NALCN: variants seen among roughly 807,000 people sequenced by gnomAD.
NALCN encodes sodium leak channel, non-selective.
A neutral mutation model predicts 225.3 loss-of-function variants in NALCN; 111 were observed. The ratio of observed to expected loss-of-function variants is 0.49; its 90% CI spans 0.42 to 0.58. The LOEUF (loss-of-function observed/expected upper bound fraction) is 0.58, where lower values mean the gene tolerates loss of function less well. NALCN is among the 20% of genes least tolerant of loss of function. The pLI is 0.00. For synonymous variants in NALCN, 764 were observed against 769.0 expected, an observed-to-expected ratio of 0.99 and a Z score of 0.11; for missense variants, 1,378 against 2,202.4, an observed-to-expected ratio of 0.63 and a Z score of 7.49.
intron 13 of NALCN, among the ~76,000 whole-genome samples, chr13:101,207,343 T>G (rs890824518): frequency 6.6e-6 from 1 of 152,236 alleles, no homozygotes; most frequent in African/African-American, 2.4e-5. Flanking sequence ...GTTAAGGTTG[T>G]ATTTCATATT....
intron 7 of NALCN, among the ~76,000 whole-genome samples, chr13:101,325,127 A>G (rs1342843446): frequency 6.6e-6 from 1 of 152,154 alleles, no homozygotes; most frequent in Non-Finnish European, 1.5e-5. Flanking sequence ...TCAGTTTGGA[A>G]TACTATCAAA....
rs373030295 is a variant in NALCN, at chr13:101,191,975, T to C, written c.1706A>G (p.His569Arg). ...VMDQTLNAVG[H>R]MWAPVVAIYF... ...GATGGCAACCACGGGTGCCCACATA[T>C]GTCCCACAGCATTTAGAGTTTGGTC... The change falls in exon 14 of 44, where the codon CAT (histidine) becomes CGT (arginine). Residue 569 changes from histidine (H) to arginine (R), a missense_variant. Coordinates refer to ENST00000251127, the MANE Select transcript of NALCN (RefSeq NM_052867.4). 3 of 1,608,414 alleles carry C rather than the reference T, an allele frequency of 1.9e-6. No individual in the cohort carries two copies. The highest frequency in any genetic ancestry group is 1.7e-6 in the Non-Finnish European group (2 of 1,177,866).
chr13:101,302,409 G>C (rs2044005632), intron 7 of NALCN, among the ~76,000 whole-genome samples: 1 of 152,120 alleles, frequency 6.6e-6, no homozygotes, highest in Non-Finnish European at 1.5e-5. Context: ...ATTGACGTTT[G>C]TTTATAAAGG....
chr13:101,277,905 C>T (rs780688951), intron 10 of NALCN, among the ~76,000 whole-genome samples: 13 of 152,208 alleles, frequency 8.5e-5, no homozygotes, highest in Non-Finnish European at 1.5e-4. Flanking sequence ...GCAGCCACCA[C>T]TCAGCTCTGG....
chr13:101,353,890 T>C (rs1477390190), intron 6 of NALCN, among the ~76,000 whole-genome samples: 5 of 152,226 alleles, frequency 3.3e-5, no homozygotes, highest in African/African-American at 1.2e-4. Context: ...AGTTATCTTG[T>C]TATATCTGAA....
chr13:101,223,836 C>G (rs1158994117), intron 13 of NALCN, among the ~76,000 whole-genome samples: 1 of 152,066 alleles, frequency 6.6e-6, no homozygotes, highest in Non-Finnish European at 1.5e-5. Flanking sequence ...CCTCTGCCAA[C>G]CCCTCTCATT....
intron 15 of NALCN, among the ~76,000 whole-genome samples, chr13:101,170,208 C>T (rs1349780364): frequency 2.0e-5 from 3 of 152,206 alleles, no homozygotes; most frequent in African/African-American, 2.4e-5. Context: ...GTCCCACTAT[C>T]TGCTCTCTTC....
intron 3 of NALCN, among the ~76,000 whole-genome samples, chr13:101,382,353 T>C (rs1337479678): frequency 1.3e-5 from 2 of 152,070 alleles, no homozygotes; most frequent in Admixed American, 6.6e-5. Flanking sequence ...GAGACATGCT[T>C]TTCACAATGT....
At chr13:101,132,147 AT>A (rs2036550108) in intron 17 of NALCN, among the ~76,000 whole-genome samples, 1 of 151,692 alleles carries the variant, frequency 6.6e-6, no homozygotes, top group South Asian at 2.1e-4. Flanking sequence ...TCAGGGCTAA[AT>A]TTTTTCCTCT....
chr13:101,126,654 G>A (rs995773129), intron 17 of NALCN, among the ~76,000 whole-genome samples: 16 of 152,046 alleles, frequency 1.1e-4, no homozygotes, highest in East Asian at 3.9e-4. Context: ...CACCATGCCC[G>A]ACTGATTTTT....
intron 13 of NALCN, among the ~76,000 whole-genome samples, chr13:101,195,178 T>G (rs2039839475): frequency 6.6e-6 from 1 of 152,108 alleles, no homozygotes; most frequent in African/African-American, 2.4e-5. Context: ...GGAGTAGAGT[T>G]TCAGTGGAAA....
At chr13:101,111,876 T>TAGCAGCAGC (rs1411112115) in intron 18 of NALCN, among the ~76,000 whole-genome samples, 3 of 152,174 alleles carry the variant, frequency 2.0e-5, no homozygotes, top group African/African-American at 2.4e-5. Context: ...ATGTCTTTAC[T>TAGCAGCAGC]AGCAGCATGA....
intron 13 of NALCN, among the ~76,000 whole-genome samples, chr13:101,203,165 T>C (rs928054020): frequency 6.6e-6 from 1 of 152,232 alleles, no homozygotes; most frequent in Non-Finnish European, 1.5e-5. Context: ...CTTAAAAATA[T>C]TGTCCCAAGG....
chr13:101,369,166 ATG>A (rs56739782), intron 6 of NALCN, among the ~76,000 whole-genome samples: 11,580 of 145,974 alleles, frequency 0.079, 1,333 homozygotes, highest in African/African-American at 0.26. Context: ...GACAAAATAA[ATG>A]TGTGTGTGTG....
At chr13:101,219,190 T>C (rs983615583) in intron 13 of NALCN, among the ~76,000 whole-genome samples, 35 of 152,324 alleles carry the variant, frequency 2.3e-4, no homozygotes, top group African/African-American at 6.3e-4. Flanking sequence ...GAAAGCTACC[T>C]GATCTCTTGA....
chr13:101,173,849 AT>A (rs1263429605), intron 15 of NALCN, among the ~76,000 whole-genome samples: 1 of 152,190 alleles, frequency 6.6e-6, no homozygotes, highest in Non-Finnish European at 1.5e-5. Flanking sequence ...TACCAATTTC[AT>A]TGTTTTTTAA....
chr13:101,209,980 T>G (rs544653694), intron 13 of NALCN, among the ~76,000 whole-genome samples: 1 of 152,340 alleles, frequency 6.6e-6, no homozygotes, highest in East Asian at 1.9e-4. Context: ...TCCGGAATTC[T>G]GAAAACTAAA....
intron 17 of NALCN, among the ~76,000 whole-genome samples, chr13:101,125,516 T>C (rs186664895): frequency 8.7e-4 from 133 of 152,262 alleles, no homozygotes; most frequent in African/African-American, 3.1e-3. Context: ...TTAGTGACCA[T>C]AGGAGATTTA....
intron 9 of NALCN, among the ~76,000 whole-genome samples, chr13:101,285,194 T>C (rs2043296218): frequency 1.3e-5 from 2 of 152,218 alleles, no homozygotes; most frequent in Non-Finnish European, 2.9e-5. Context: ...TCCCTGGTAG[T>C]AGTGGTGGTA....
Sources: allele counts gnomAD v4.1 joint callset (sites outside exome capture counted in the v4.1 genomes callset), GRCh38; gene constraint gnomAD v4.1.1; transcripts MANE v1.5; gene names NCBI Gene and HGNC (gene_info 2026-07-23, HGNC 2026-07-21).